Variants in NPAS3 observed in about 807,000 individuals in gnomAD.
NPAS3 encodes the protein neuronal PAS domain protein 3.
In NPAS3, 14 loss-of-function variants were observed where a neutral mutation model predicts 73.1. The ratio of observed to expected loss-of-function variants is 0.19; its 90% confidence interval spans 0.13 to 0.30. The LOEUF (loss-of-function observed/expected upper bound fraction) is 0.30. NPAS3 is among the 10% of genes least tolerant of loss of function. The pLI is 1.00. For synonymous variants in NPAS3, 620 were observed against 541.5 expected, an observed-to-expected ratio of 1.14 and a Z score of -2.01; for missense variants, 1,096 against 1,250.0, an observed-to-expected ratio of 0.88 and a Z score of 1.86.
intron 6 of NPAS3, among the ~76,000 whole-genome samples, chr14:33,732,555 A>G (rs1251762839): frequency 6.6e-6 from 1 of 152,180 alleles, no homozygotes; most frequent in Non-Finnish European, 1.5e-5. Flanking sequence ...TGTCCTCAGA[A>G]GTAGGAAGTC....
chr14:33,604,655 T>C (rs2140013916), intron 5 of NPAS3, among the ~76,000 whole-genome samples: 1 of 152,242 alleles, frequency 6.6e-6, no homozygotes, highest in African/African-American at 2.4e-5. Context: ...GAGTACACAT[T>C]CTTCTCAAGT....
chr14:33,155,464 C>T (rs117743183), intron 2 of NPAS3, among the ~76,000 whole-genome samples: 1 of 152,122 alleles, frequency 6.6e-6, no homozygotes, highest in South Asian at 2.1e-4. Flanking sequence ...AATCATAGTT[C>T]ACTGCAGCTT....
At chr14:33,520,055 T>C (rs1484274523) in intron 4 of NPAS3, among the ~76,000 whole-genome samples, 1 of 152,076 alleles carries the variant, frequency 6.6e-6, no homozygotes, top group Non-Finnish European at 1.5e-5. Flanking sequence ...GCTTCTGGTT[T>C]AATTAGTTGT....
intron 6 of NPAS3, among the ~76,000 whole-genome samples, chr14:33,690,150 A>G (rs2060195181): frequency 6.6e-6 from 1 of 152,164 alleles, no homozygotes. Flanking sequence ...TGGCTCCTTT[A>G]CTATCGAATC....
intron 5 of NPAS3, among the ~76,000 whole-genome samples, chr14:33,669,809 A>G (rs896120741): frequency 1.3e-5 from 2 of 151,792 alleles, no homozygotes; most frequent in Admixed American, 1.3e-4. Context: ...GAACTAGGAG[A>G]CCCACTGATC....
intron 6 of NPAS3, among the ~76,000 whole-genome samples, chr14:33,706,031 T>C (rs1181679076): frequency 6.6e-6 from 1 of 152,236 alleles, no homozygotes; most frequent in East Asian, 1.9e-4. Flanking sequence ...CACATGTAAC[T>C]GCTAGGGGAG....
chr14:33,762,651 T>C (rs1338824931), intron 7 of NPAS3, among the ~76,000 whole-genome samples: 6 of 152,168 alleles, frequency 3.9e-5, no homozygotes, highest in Non-Finnish European at 8.8e-5. Flanking sequence ...TGGAGGAAAC[T>C]GCTGTCGCTG....
chr14:32,967,569 A>T (rs2037228289), intron 1 of NPAS3, among the ~76,000 whole-genome samples: 1 of 152,252 alleles, frequency 6.6e-6, no homozygotes, highest in Non-Finnish European at 1.5e-5. Flanking sequence ...ACAAATGGCT[A>T]ACAGGTACAT....
chr14:33,422,084 T>C (rs949789890), intron 4 of NPAS3, among the ~76,000 whole-genome samples: 17 of 152,090 alleles, frequency 1.1e-4, no homozygotes, highest in African/African-American at 4.1e-4. Flanking sequence ...TCAGGCTGTA[T>C]TTGGTGTCCT....
At chr14:33,084,428 C>G (rs2041956337) in intron 2 of NPAS3, among the ~76,000 whole-genome samples, 1 of 152,114 alleles carries the variant, frequency 6.6e-6, no homozygotes, top group African/African-American at 2.4e-5. Context: ...CCATTTTTTC[C>G]TAACAGGTAA....
chr14:33,656,740 T>C (rs2059155627), intron 5 of NPAS3, among the ~76,000 whole-genome samples: 1 of 152,182 alleles, frequency 6.6e-6, no homozygotes, highest in Non-Finnish European at 1.5e-5. Flanking sequence ...ATCTACTCTT[T>C]GCAAATTTTA....
intron 4 of NPAS3, among the ~76,000 whole-genome samples, chr14:33,453,851 T>C (rs2049908394): frequency 1.3e-5 from 2 of 152,064 alleles, no homozygotes; most frequent in Admixed American, 1.3e-4. Context: ...ATATGCTTCC[T>C]TTGTTTGTTT....
chr14:32,989,877 A>T (rs541418760), intron 1 of NPAS3, among the ~76,000 whole-genome samples: 1 of 152,242 alleles, frequency 6.6e-6, no homozygotes. Flanking sequence ...ACGGAAGGAG[A>T]TATCAGTGTG....
intron 1 of NPAS3, among the ~76,000 whole-genome samples, chr14:32,978,328 C>G (rs957759193): frequency 2.6e-5 from 4 of 152,054 alleles, no homozygotes; most frequent in Admixed American, 2.0e-4. Flanking sequence ...CCTACCCTAC[C>G]CCAAAGGAGA....
intron 4 of NPAS3, among the ~76,000 whole-genome samples, chr14:33,498,493 C>T (rs1045847423): frequency 4.6e-5 from 7 of 152,070 alleles, no homozygotes; most frequent in Non-Finnish European, 8.8e-5. Context: ...ACATATACAC[C>T]GTGGAGTACT....
intron 2 of NPAS3, among the ~76,000 whole-genome samples, chr14:33,114,091 A>G (rs1383439296): frequency 1.3e-5 from 2 of 152,094 alleles, no homozygotes; most frequent in South Asian, 2.1e-4. Flanking sequence ...GCTGGAGTGC[A>G]GTGGCACGAT....
At chr14:33,774,554 G>T in intron 8 of NPAS3, 24 bp downstream of exon 8, 1 of 1,592,920 alleles carries the variant, frequency 6.3e-7, no homozygotes. Context: ...GTTTTCATTT[G>T]CCCTGTTGCA....
At chr14:33,548,372 G>A (rs1270308585) in intron 4 of NPAS3, among the ~76,000 whole-genome samples, 2 of 152,176 alleles carry the variant, frequency 1.3e-5, no homozygotes, top group Non-Finnish European at 2.9e-5. Context: ...AGACAAAAGA[G>A]TGGGTAAATA....
intron 3 of NPAS3, among the ~76,000 whole-genome samples, chr14:33,259,644 T>C (rs2048898910): frequency 6.6e-6 from 1 of 152,200 alleles, no homozygotes; most frequent in Non-Finnish European, 1.5e-5. Context: ...CATATTTTAA[T>C]AGATTTTGTT....
Sources: allele counts gnomAD v4.1 joint callset (sites outside exome capture counted in the v4.1 genomes callset), GRCh38; gene constraint gnomAD v4.1.1; transcripts MANE v1.5; gene names NCBI Gene and HGNC (gene_info 2026-07-23, HGNC 2026-07-21).